CACNA1B: variants seen among roughly 807,000 people sequenced by gnomAD.
The protein encoded by CACNA1B is calcium voltage-gated channel subunit alpha1 B, also known as voltage-dependent N-type calcium channel subunit alpha-1B.
A neutral mutation model predicts 247.2 loss-of-function variants in CACNA1B; 70 were observed. The ratio of observed to expected loss-of-function variants is 0.28; its 90% CI spans 0.23 to 0.35. CACNA1B has a LOEUF of 0.35. Among genes scored for constraint, CACNA1B ranks in the 10% least tolerant of loss-of-function variants. The pLI is 1.00. For synonymous variants in CACNA1B, 1,231 were observed against 1,294.4 expected (o/e 0.95, Z 1.05); for missense variants, 2,367 against 3,197.4 (o/e 0.74, Z 6.26).
intron 6 of CACNA1B, among the ~76,000 whole-genome samples, chr9:137,928,354 C>T (rs190310408): frequency 6.6e-6 from 1 of 152,280 alleles, no homozygotes; most frequent in Admixed American, 6.5e-5. Flanking sequence ...CTTCAACCTC[C>T]CAAAGTGCTG....
intron 36 of CACNA1B, among the ~76,000 whole-genome samples, chr9:138,086,016 A>G (rs749193958): frequency 2.6e-5 from 4 of 151,268 alleles, no homozygotes; most frequent in Admixed American, 6.6e-5. Flanking sequence ...ATCAAACCTT[A>G]CTATTACAGA....
chr9:137,941,992 A>C (rs1957737463), intron 6 of CACNA1B, among the ~76,000 whole-genome samples: 2 of 152,352 alleles, frequency 1.3e-5, no homozygotes, highest in South Asian at 4.1e-4. Flanking sequence ...GGACTTAATT[A>C]AATCAAAGAA....
chr9:138,036,539 C>T (rs943786975), intron 20 of CACNA1B, among the ~76,000 whole-genome samples: 2 of 152,172 alleles, frequency 1.3e-5, no homozygotes, highest in Admixed American at 6.5e-5. Flanking sequence ...GGTTTTACAT[C>T]GTAGAAAATT....
intron 16 of CACNA1B, among the ~76,000 whole-genome samples, chr9:138,008,977 T>G (rs1958689612): frequency 6.6e-6 from 1 of 152,086 alleles, no homozygotes; most frequent in African/African-American, 2.4e-5. Flanking sequence ...ATGGCCAGGG[T>G]CTGGAGGGGC....
intron 18 of CACNA1B, among the ~76,000 whole-genome samples, chr9:138,021,091 G>A (rs1958839787): frequency 6.6e-6 from 1 of 152,218 alleles, no homozygotes; most frequent in Non-Finnish European, 1.5e-5. Flanking sequence ...CCTGGTGCAA[G>A]CCCCTGGGGC....
Position 138,016,744 on chromosome 9 carries a change from G to A in CACNA1B, c.2267+3509G>A, listed in dbSNP as rs563312871. 5.9e-5 allele frequency among the ~76,000 whole-genome samples: 9 copies of A among 152,324 alleles called. No individual in the cohort carries two copies. The South Asian group carries it at 1.9e-3, about 32-fold the overall frequency. ...TGCTGCCCCATCTTGAGGGCCGGGA[G>A]ACCGTGCAGTCAGCCTCCCGCCGCA... On this transcript the variant is annotated intron_variant, in intron 18 of 46. Coordinates refer to ENST00000371372, the MANE Select transcript of CACNA1B (RefSeq NM_000718.4).
chr9:137,991,900 G>A (rs545405138), intron 15 of CACNA1B, among the ~76,000 whole-genome samples: 2 of 152,052 alleles, frequency 1.3e-5, no homozygotes, highest in African/African-American at 4.8e-5. Flanking sequence ...GAGAGAATTC[G>A]CCACTACCAA....
intron 10 of CACNA1B, among the ~76,000 whole-genome samples, chr9:137,966,977 T>A (rs1958086096): frequency 1.5e-5 from 2 of 131,042 alleles, no homozygotes; most frequent in South Asian, 4.9e-4. Flanking sequence ...TTTTTTTTTT[T>A]TAAAAAAAAA....
intron 6 of CACNA1B, among the ~76,000 whole-genome samples, chr9:137,949,088 TGGTGTGTGC>T (rs1463179696): frequency 3.2e-4 from 4 of 12,400 alleles, no homozygotes; most frequent in African/African-American, 1.1e-3. Flanking sequence ...GGTGTGTGTG[TGGTGTGTGC>T]ATGTTTGTGG....
intron 39 of CACNA1B, among the ~76,000 whole-genome samples, chr9:138,112,031 T>C (rs979442119): frequency 1.4e-4 from 22 of 152,192 alleles, no homozygotes; most frequent in African/African-American, 5.1e-4. Flanking sequence ...TTGGTAAATA[T>C]TGTTGAATGA....
chr9:137,911,588 G>A (rs1776383840), intron 3 of CACNA1B, among the ~76,000 whole-genome samples: 1 of 152,070 alleles, frequency 6.6e-6, no homozygotes, highest in South Asian at 2.1e-4. Context: ...GCTAGTTTTT[G>A]TATTTTTTTT....
intron 10 of CACNA1B, among the ~76,000 whole-genome samples, chr9:137,967,633 A>G (rs1239288168): frequency 6.6e-6 from 1 of 152,132 alleles, no homozygotes; most frequent in African/African-American, 2.4e-5. Context: ...GTGTACTCTC[A>G]GGTGCCCTTC....
At chr9:137,916,391 G>T in intron 5 of CACNA1B, among the ~76,000 whole-genome samples, 1 of 152,072 alleles carries the variant, frequency 6.6e-6, no homozygotes, top group East Asian at 1.9e-4. Context: ...GAGTGAAGGG[G>T]GTAAACGTGC....
chr9:137,888,845 G>A lies in CACNA1B; in HGVS notation c.530+5962G>A, dbSNP rs1250682468. On this transcript the variant is annotated intron_variant, in intron 3 of 46. Coordinates refer to ENST00000371372, the MANE Select transcript of CACNA1B (RefSeq NM_000718.4). The surrounding 1 kb of genome is among the most constrained non-coding windows in gnomAD (Gnocchi z 4.7). ...GGTGGCAGGCACTTCTCAGGGAGAA[G>A]CCAGGCCCAGCTCAGGGCCCCACAG... is the stretch of plus-strand genomic sequence containing the variant. 2.0e-5 allele frequency among the ~76,000 whole-genome samples: 3 copies of A among 152,216 alleles called. No homozygotes were observed. The highest frequency in any genetic ancestry group is 7.2e-5 in the African/African-American group (3 of 41,466).
rs1956916352 is a variant in CACNA1B, at chr9:137,881,272, T to A, written c.391-1472T>A. ...AGCATGGGCGAGTCAGCACGGGTCA[T>A]GATGGACCCTTGGGTGCTGGTAGCT... On this transcript the variant is annotated intron_variant, in intron 2 of 46. Transcript: ENST00000371372. This position sits in a 1 kb window ranked among gnomAD's most constrained non-coding sequence, Gnocchi z 4.3. Among the ~76,000 whole-genome samples, 1 of 152,098 alleles carries A rather than the reference T, an allele frequency of 6.6e-6. No individual in the cohort carries two copies. Among genetic ancestry groups the A allele is most frequent in the African/African-American group, 2.4e-5 (1 of 41,432 alleles).
At chr9:138,031,610 C>T (rs569773173) in intron 20 of CACNA1B, among the ~76,000 whole-genome samples, 29 of 152,298 alleles carry the variant, frequency 1.9e-4, no homozygotes, top group African/African-American at 2.9e-4. Flanking sequence ...TATTCAGTCT[C>T]CAGCTGTAAA....
intron 10 of CACNA1B, among the ~76,000 whole-genome samples, chr9:137,959,475 A>C (rs1957985753): frequency 6.6e-6 from 1 of 152,168 alleles, no homozygotes; most frequent in Admixed American, 6.5e-5. Context: ...TGTAAAATGA[A>C]TTGAAGAGTT....
In CACNA1B at chr9:137,986,661, A is replaced by G; in HGVS notation, c.1901+117A>G. 1 of 1,444,682 alleles carries G rather than the reference A, an allele frequency of 6.9e-7. No individual in the cohort carries two copies. Among genetic ancestry groups the G allele is most frequent in the Non-Finnish European group, 9.7e-7 (1 of 1,029,050 alleles). 89.5% of individuals were successfully genotyped at this position (1,444,682 alleles called of 1,614,324 possible). A position where few individuals can be genotyped will look rare whatever the true frequency, so the allele number is the denominator to read the frequency against. ...ACCTTCCCACCAGGAAGGTCCTCAG[A>G]GGGGCCAGTGTGCAGCCATCTGCAG... On this transcript the variant is annotated intron_variant, in intron 14 of 46. Transcript: ENST00000371372. This position sits in a 1 kb window ranked among gnomAD's most constrained non-coding sequence, Gnocchi z 6.0.
chr9:137,881,116 G>A lies in CACNA1B; in HGVS notation c.391-1628G>A, dbSNP rs926723318. On this transcript the variant is annotated intron_variant, in intron 2 of 46. Transcript: ENST00000371372. This position sits in a 1 kb window ranked among gnomAD's most constrained non-coding sequence, Gnocchi z 4.3. ...TCGGGCCTGTTCTCTTTTTCACCAG[G>A]AAGTTTCCTGTGAAGATCTCTGTCT... Among the ~76,000 whole-genome samples the A allele has an allele frequency of 6.6e-6, 1 of 152,188 alleles. No individual in the cohort carries two copies. The highest frequency in any genetic ancestry group is 1.5e-5 in the Non-Finnish European group (1 of 68,028).
Sources: gnomAD v4.1 joint callset for allele counts (sites outside exome capture counted in the v4.1 genomes callset) on GRCh38, gnomAD v4.1.1 for gene constraint, Gnocchi (gnomAD v3.1) non-coding constraint, MANE v1.5 for transcripts, NCBI Gene and HGNC (gene_info 2026-07-23, HGNC 2026-07-21) for gene names.